NPHP3: variants seen among roughly 807,000 people sequenced by gnomAD.
The protein encoded by NPHP3 is nephrocystin-3.
In NPHP3, 123 loss-of-function variants were observed where a neutral mutation model predicts 171.9. The ratio of observed to expected loss-of-function variants is 0.72; its 90% confidence interval spans 0.62 to 0.83. The LOEUF (loss-of-function observed/expected upper bound fraction) is 0.83. NPHP3 is among the 40% of genes least tolerant of loss of function. The probability of loss-of-function intolerance (pLI) is 0.00; values close to 1 mark genes in which losing one functional copy is unlikely to be tolerated. For synonymous variants in NPHP3, 558 were observed against 579.2 expected, an observed-to-expected ratio of 0.96 and a Z score of 0.52; for missense variants, 1,506 against 1,591.9, an observed-to-expected ratio of 0.95 and a Z score of 0.92.
intron 9 of NPHP3, among the ~76,000 whole-genome samples, chr3:132,702,797 A>T (rs918591336): frequency 2.0e-5 from 3 of 152,238 alleles, no homozygotes; most frequent in Non-Finnish European, 2.9e-5. Flanking sequence ...TAGAAATGAT[A>T]CTTCTGAAGG....
intron 16 of NPHP3, 96 bp downstream of exon 16, chr3:132,694,731 A>AT (rs1939400570): frequency 1.4e-6 from 2 of 1,466,164 alleles, no homozygotes; most frequent in Non-Finnish European, 1.9e-6. Context: ...CCTGAAACAT[A>AT]TTTAAGCACA....
chr3:132,687,463 T>C (rs1298148568), intron 21 of NPHP3, among the ~76,000 whole-genome samples: 1 of 152,186 alleles, frequency 6.6e-6, no homozygotes, highest in Non-Finnish European at 1.5e-5. Flanking sequence ...AAAAGTTCTG[T>C]TCAATTAAAA....
intron 13 of NPHP3, among the ~76,000 whole-genome samples, chr3:132,698,462 G>C (rs983380605): frequency 6.6e-6 from 1 of 151,610 alleles, no homozygotes; most frequent in African/African-American, 2.4e-5. Flanking sequence ...ATTTTTGGTA[G>C]AGATGGGTTT....
intron 5 of NPHP3, 31 bp downstream of exon 5, chr3:132,715,054 T>C: frequency 6.4e-7 from 1 of 1,570,196 alleles, no homozygotes; most frequent in Admixed American, 1.7e-5. Context: ...TATTTTAAAT[T>C]GGTTGATACA....
intron 24 of NPHP3, among the ~76,000 whole-genome samples, chr3:132,683,997 C>T (rs187291822): frequency 2.4e-4 from 37 of 152,330 alleles, no homozygotes; most frequent in Middle Eastern, 3.4e-3. Context: ...GTCTACAAAG[C>T]TCTGTAACTA....
chr3:132,706,591 A>T (rs1939761155), intron 7 of NPHP3, among the ~76,000 whole-genome samples: 1 of 152,176 alleles, frequency 6.6e-6, no homozygotes, highest in Non-Finnish European at 1.5e-5. Context: ...ATCTGTAAGA[A>T]CATGTCTACT....
At position 132,708,258 on chromosome 3, in the gene NPHP3, C is replaced by T. The variant is rs775231429; in HGVS notation, c.1119-1G>A. ...TTCTTCACAGTCTTCCAATAAAAGG[C>T]TAGATTGGAAATCAGCATTTTGTGT... On this transcript the variant is annotated splice_acceptor_variant, in intron 6 of 26. Transcript: ENST00000337331. LOFTEE classifies it high-confidence loss of function. 6.2e-7 allele frequency: 1 copy of T among 1,613,708 alleles called. No homozygotes were observed. Among genetic ancestry groups the T allele is most frequent in the Non-Finnish European group, 8.5e-7 (1 of 1,179,862 alleles).
At chr3:132,708,975 G>A (rs1939831202) in intron 6 of NPHP3, among the ~76,000 whole-genome samples, 1 of 152,182 alleles carries the variant, frequency 6.6e-6, no homozygotes, top group South Asian at 2.1e-4. Flanking sequence ...AAGGAGAGGT[G>A]CTTCTCTGTT....
intron 2 of NPHP3, 29 bp downstream of exon 2, chr3:132,719,676 C>T (rs1940152107): frequency 3.4e-6 from 5 of 1,469,776 alleles, no homozygotes; most frequent in Non-Finnish European, 3.7e-6. Context: ...TTCTATGTTG[C>T]TTTGGGGGTA....
In NPHP3 at chr3:132,683,421, A is replaced by G. The variant is rs1289556588; in HGVS notation, c.3674T>C (p.Leu1225Ser). Residue 1225 changes from leucine to serine, a missense_variant, in exon 25 of 27, where the codon TTA becomes TCA. Physicochemically the swap from Leu to Ser is moderately radical, Grantham distance 145. Transcript: ENST00000337331. ...TACCATTTGGCTATAAAGAACAGCT[A>G]AGTTCACCAAGGCAGTAGCTACACT... ...HPSVATALVN[L>S]AVLYSQMKKH... The G allele has an allele frequency of 1.2e-6, 2 of 1,613,054 alleles. No homozygotes were observed. Among genetic ancestry groups the G allele is most frequent in the Non-Finnish European group, 1.7e-6 (2 of 1,179,310 alleles).
At chr3:132,701,372 T>G (rs1939601525) in intron 10 of NPHP3, 58 bp downstream of exon 10, 2 of 1,208,640 alleles carry the variant, frequency 1.7e-6, no homozygotes, top group South Asian at 1.2e-5. Flanking sequence ...TACATTTTGT[T>G]GAATAGATTC....
At chr3:132,694,355 A>ATGTGTG (rs141353877) in intron 16 of NPHP3, among the ~76,000 whole-genome samples, 1 of 143,926 alleles carries the variant, frequency 6.9e-6, no homozygotes. Flanking sequence ...GAAGGAAATT[A>ATGTGTG]TGTGTGTGTG....
chr3:132,700,073 G>C lies in NPHP3; in HGVS notation c.1744-12C>G, dbSNP rs367785168. 1.4e-5 allele frequency: 23 copies of C among 1,613,816 alleles called. No individual in the cohort carries two copies. In the African/African-American group the frequency reaches 2.8e-4, roughly 20 times the overall value. On this transcript the variant is annotated splice_polypyrimidine_tract_variant and intron_variant, in intron 11 of 26. Transcript: ENST00000337331. ...GAGTGCTGCATCAACTACAAGATAAGAACACACACAAACTGAAGTAGTTAC... is the reference window on the plus strand; with the variant it reads ...GAGTGCTGCATCAACTACAAGATAACAACACACACAAACTGAAGTAGTTAC...
chr3:132,689,017 AG>A, intron 20 of NPHP3, 56 bp downstream of exon 20: 1 of 1,612,072 alleles, frequency 6.2e-7, no homozygotes, highest in Non-Finnish European at 8.5e-7. Flanking sequence ...GAAAAAGAGA[AG>A]AGTGAACACA....
In NPHP3 at chr3:132,686,342, G is replaced by T; in HGVS notation, c.3247C>A (p.Leu1083Ile). The part of the protein sequence containing the change: ...LRRRALQLEE[L>I]TLGKDTPDNA... ...TCAGGTGTGTCCTTACCTAATGTAAGCTCTTCTAACTGTAAAGCCCGTCTA... is the reference window on the plus strand; with the variant it reads ...TCAGGTGTGTCCTTACCTAATGTAATCTCTTCTAACTGTAAAGCCCGTCTA... Residue 1083 changes from leucine to isoleucine, a missense_variant, in exon 23 of 27, where the codon CTT (leucine) becomes ATT (isoleucine). Physicochemically the swap from Leu to Ile is conservative, Grantham distance 5. Transcript: ENST00000337331. 7 of 1,613,974 alleles carry T rather than the reference G, an allele frequency of 4.3e-6. No individual in the cohort carries two copies. The highest frequency in any genetic ancestry group is 5.9e-6 in the Non-Finnish European group (7 of 1,179,900).
intron 2 of NPHP3, among the ~76,000 whole-genome samples, 153 bp downstream of exon 2, chr3:132,719,552 A>G (rs745634333): frequency 5.9e-5 from 9 of 152,106 alleles, no homozygotes; most frequent in Non-Finnish European, 1.2e-4. Context: ...GTCCAACTCA[A>G]AAATGTGAAA....
chr3:132,696,937 A>G, intron 14 of NPHP3, 124 bp from the exon 15 acceptor site: 1 of 801,026 alleles, frequency 1.2e-6, no homozygotes, highest in Non-Finnish European at 2.1e-6. Context: ...GCCATCCGTG[A>G]CATCACAACA....
In NPHP3 at chr3:132,705,768, T is replaced by C. The variant is rs1939731078; in HGVS notation, c.1322A>G (p.Tyr441Cys). The C allele has an allele frequency of 6.7e-7, 1 of 1,485,140 alleles. No homozygotes were observed. The highest frequency in any genetic ancestry group is 9.4e-7 in the Non-Finnish European group (1 of 1,064,214). The allele number at this position is 1,485,140 out of a possible 1,614,324, so 92.0% of individuals were successfully genotyped here. The change falls in exon 8 of 27, where the codon TAT becomes TGT. Residue 441 changes from tyrosine (Y) to cysteine (C), a missense_variant. This residue lies in a region of NPHP3 where 930 missense variants were observed against 924.9 expected (regional missense o/e 1.01). Coordinates refer to ENST00000337331, the MANE Select transcript of NPHP3 (RefSeq NM_153240.5). ...GDPAEGVYKTYICVEKIIKQD... is the reference protein window; with the variant it reads ...GDPAEGVYKTCICVEKIIKQD... ...TTTAATAATCTTTTCTACACAAATA[T>C]AAGTTTTATATACTCCTTCTGCAGG...
chr3:132,699,334 A>T lies in NPHP3; in HGVS notation c.1985+19T>A. On this transcript the variant is annotated intron_variant, in intron 13 of 26. Transcript: ENST00000337331. The stretch of plus-strand genomic sequence containing the variant: ...AAAACATTTCATGTACTCTGAAAGA[A>T]CTAAAGTTGGCATCGTACCTCCATG... 6.5e-7 allele frequency: 1 copy of T among 1,531,576 alleles called. No homozygotes were observed. The highest frequency in any genetic ancestry group is 9.0e-7 in the Non-Finnish European group (1 of 1,106,078). The allele number at this position is 1,531,576 out of a possible 1,614,324, so 94.9% of individuals were successfully genotyped here.
Sources: allele counts gnomAD v4.1 joint callset (sites outside exome capture counted in the v4.1 genomes callset), GRCh38; gene constraint gnomAD v4.1.1; regional missense constraint gnomAD v4.1.1; transcripts MANE v1.5; gene names NCBI Gene and HGNC (gene_info 2026-07-23, HGNC 2026-07-21).